MICAL3: variants seen among roughly 807,000 people sequenced by gnomAD.
MICAL3 encodes the protein microtubule associated monooxygenase, calponin and LIM domain containing 3, also known as [F-actin]-monooxygenase MICAL3.
A neutral mutation model predicts 207.4 loss-of-function variants in MICAL3; 62 were observed. The ratio of observed to expected loss-of-function variants is 0.30; its 90% CI spans 0.24 to 0.37. MICAL3 has a LOEUF of 0.37. Ranked by LOEUF, MICAL3 falls within the 10% of genes least tolerant of loss-of-function variation. MICAL3 has a pLI of 1.00. For missense variants in MICAL3, 2,368 were observed against 2,635.6 expected, an observed-to-expected ratio of 0.90 and a Z score of 2.22; for synonymous variants, 1,077 against 1,069.3, an observed-to-expected ratio of 1.01 and a Z score of -0.14.
chr22:17,970,304 G>A (rs929598966), intron 1 of MICAL3, among the ~76,000 whole-genome samples: 7 of 152,340 alleles, frequency 4.6e-5, no homozygotes, highest in Admixed American at 1.3e-4. Flanking sequence ...TTGAGTGAGC[G>A]GCTGACCAGC....
intron 1 of MICAL3, among the ~76,000 whole-genome samples, chr22:17,942,733 G>A (rs757001174): frequency 2.0e-5 from 3 of 152,212 alleles, no homozygotes; most frequent in African/African-American, 4.8e-5. Flanking sequence ...AGAGATGCCC[G>A]TGACGCTGCT....
intron 30 of MICAL3, 38 bp downstream of exon 30, chr22:17,791,164 A>G: frequency 6.2e-7 from 1 of 1,609,328 alleles, no homozygotes; most frequent in South Asian, 1.1e-5. Context: ...CGGCTGTGAC[A>G]AGCATAGCGC....
intron 12 of MICAL3, among the ~76,000 whole-genome samples, chr22:17,891,219 T>C (rs894080499): frequency 6.6e-6 from 1 of 151,830 alleles, no homozygotes; most frequent in Admixed American, 6.6e-5. Flanking sequence ...TTTTGACTTA[T>C]GAGTGTTGTG....
rs567472793 is a variant in MICAL3, at chr22:17,878,377, G to T, written c.2242-6354C>A. Among the ~76,000 whole-genome samples the T allele has an allele frequency of 7.4e-4, 113 of 152,270 alleles. No individual in the cohort carries two copies. In the Middle Eastern group the frequency reaches 0.01, roughly 14 times the overall value. The stretch of plus-strand genomic sequence containing the variant: ...CACCGTGGGGCGAGGCCATGGAAAG[G>T]GGGTGGGAAAGACCCCCACCTCCAG... On this transcript the variant is annotated intron_variant, in intron 16 of 31. Transcript: ENST00000441493.
At chr22:18,016,310 T>A (rs1415386659) in intron 1 of MICAL3, among the ~76,000 whole-genome samples, 2 of 152,246 alleles carry the variant, frequency 1.3e-5, no homozygotes, top group Non-Finnish European at 2.9e-5. Context: ...TTGCCTCATG[T>A]AGATGAATTT....
chr22:17,818,734 G>A lies in MICAL3; in HGVS notation c.3927C>T (p.Gly1309=), dbSNP rs1254515399. The A allele has an allele frequency of 2.5e-6, 4 of 1,608,858 alleles. No homozygotes were observed. The highest frequency in any genetic ancestry group is 3.4e-6 in the Non-Finnish European group (4 of 1,176,474). The change falls in exon 26 of 32, where the codon GGC becomes GGT. Residue 1309 remains glycine (G), a synonymous_variant. Coordinates refer to ENST00000441493, the MANE Select transcript of MICAL3 (RefSeq NM_015241.3). The part of the protein sequence containing the change: ...QSQSDTKDRL[G]SPLAVDEALR... ...GGGCCTCATCCACAGCAAGGGGGCT[G>A]CCCAGTCTGTCCTTGGTGTCACTTT...
intron 1 of MICAL3, among the ~76,000 whole-genome samples, chr22:18,003,168 A>C (rs1249835695): frequency 3.3e-5 from 5 of 152,018 alleles, no homozygotes; most frequent in Non-Finnish European, 5.9e-5. Context: ...TCAAAAAAAA[A>C]AAAAAAAGAA....
intron 29 of MICAL3, among the ~76,000 whole-genome samples, chr22:17,806,404 G>A (rs995525845): frequency 1.3e-5 from 2 of 150,120 alleles, no homozygotes; most frequent in African/African-American, 4.9e-5. Flanking sequence ...AGACTTGCTT[G>A]TCATGAGGAA....
intron 1 of MICAL3, among the ~76,000 whole-genome samples, chr22:17,994,696 G>A (rs908923742): frequency 3.3e-5 from 5 of 151,528 alleles, no homozygotes; most frequent in South Asian, 4.2e-4. Context: ...CACTCCAGCC[G>A]GGGCCACAGA....
At position 17,906,755 on chromosome 22, in the gene MICAL3, C is replaced by G; in HGVS notation, c.58G>C (p.Val20Leu). ...GTTCCCTTGCAGGTGGTGGCCTGGA[C>G]AAACCGGTCAAAGAGGACATGAGCT... The part of the protein sequence containing the change: ...NPAHVLFDRF[V>L]QATTCKGTLK... The change falls in exon 2 of 32, where the codon GTC becomes CTC. Residue 20 changes from valine to leucine, a missense_variant. By Grantham distance (32) the Val-to-Leu change is conservative. This residue lies in a region of MICAL3 where 400 missense variants were observed against 547.0 expected (regional missense o/e 0.73). Coordinates refer to ENST00000441493, the MANE Select transcript of MICAL3 (RefSeq NM_015241.3). 6.2e-7 allele frequency: 1 copy of G among 1,613,736 alleles called. No individual in the cohort carries two copies. The highest frequency in any genetic ancestry group is 1.1e-5 in the South Asian group (1 of 91,058).
At chr22:17,996,235 C>T (rs1279616061) in intron 1 of MICAL3, among the ~76,000 whole-genome samples, 3 of 150,850 alleles carry the variant, frequency 2.0e-5, no homozygotes, top group Admixed American at 6.6e-5. Flanking sequence ...GTCAGGAGAT[C>T]GAGACCATCC....
intron 22 of MICAL3, among the ~76,000 whole-genome samples, chr22:17,825,131 G>A (rs1321909946): frequency 6.6e-6 from 1 of 152,316 alleles, no homozygotes; most frequent in South Asian, 2.1e-4. Context: ...GCCTGATCCC[G>A]CCCTGGTGCC....
At chr22:17,994,349 C>A (rs543587266) in intron 1 of MICAL3, among the ~76,000 whole-genome samples, 47 of 152,336 alleles carry the variant, frequency 3.1e-4, no homozygotes, top group African/African-American at 1.1e-3. Context: ...TCCCCCTGAC[C>A]AAGCTGCTCC....
At chr22:17,963,041 C>A (rs1028716043) in intron 1 of MICAL3, among the ~76,000 whole-genome samples, 3 of 152,138 alleles carry the variant, frequency 2.0e-5, no homozygotes, top group African/African-American at 4.8e-5. Context: ...TGTGAGCCAC[C>A]ACACCTAGCC....
At chr22:17,930,728 A>G (rs1043719552) in intron 1 of MICAL3, among the ~76,000 whole-genome samples, 1 of 152,206 alleles carries the variant, frequency 6.6e-6, no homozygotes, top group Non-Finnish European at 1.5e-5. Context: ...CAGGGCCCCC[A>G]GTTAGAGTCT....
chr22:17,999,187 CGACA>C (rs1194147280), intron 1 of MICAL3, among the ~76,000 whole-genome samples: 1 of 152,204 alleles, frequency 6.6e-6, no homozygotes, highest in Non-Finnish European at 1.5e-5. Flanking sequence ...CAGGACTACT[CGACA>C]GATGCAGGAA....
intron 26 of MICAL3, among the ~76,000 whole-genome samples, chr22:17,816,985 G>A (rs741457): frequency 0.23 from 35,700 of 152,144 alleles, 5,277 homozygotes; most frequent in Non-Finnish European, 0.33. Context: ...GACGCCAAGC[G>A]GGTGGCACCT....
At chr22:17,971,441 T>C (rs1416421485) in intron 1 of MICAL3, among the ~76,000 whole-genome samples, 3 of 150,512 alleles carry the variant, frequency 2.0e-5, no homozygotes, top group African/African-American at 2.4e-5. Context: ...TATCGCACCA[T>C]TGCACTCCAG....
intron 29 of MICAL3, among the ~76,000 whole-genome samples, chr22:17,797,443 G>C (rs1251033562): frequency 6.6e-6 from 1 of 152,146 alleles, no homozygotes; most frequent in African/African-American, 2.4e-5. Flanking sequence ...GCAGAGAGCC[G>C]TGACTGCACC....
Sources: allele counts gnomAD v4.1 joint callset (sites outside exome capture counted in the v4.1 genomes callset), GRCh38; gene constraint gnomAD v4.1.1; regional missense constraint gnomAD v4.1.1; transcripts MANE v1.5; gene names NCBI Gene and HGNC (gene_info 2026-07-23, HGNC 2026-07-21).